The following GPBP1 variants were observed in gnomAD, a reference collection of about 807,000 sequenced individuals.
GPBP1 encodes the protein vasculin.
A neutral mutation model predicts 56.5 loss-of-function variants in GPBP1; 13 were observed. That is an observed-to-expected ratio of 0.23 (90% confidence interval 0.15 to 0.37). The LOEUF (loss-of-function observed/expected upper bound fraction) is 0.37, where lower values mean the gene tolerates loss of function less well. Ranked by LOEUF, GPBP1 falls within the 10% of genes least tolerant of loss-of-function variation. The pLI, the probability that GPBP1 is intolerant of heterozygous loss-of-function variation, is 1.00. For missense variants in GPBP1, 477 were observed against 572.3 expected (o/e 0.83, Z 1.70); for synonymous variants, 204 against 188.9 (o/e 1.08, Z -0.66).
chr5:57,206,021 C>G (rs537140764), intron 2 of GPBP1, among the ~76,000 whole-genome samples: 1 of 152,168 alleles, frequency 6.6e-6, no homozygotes, highest in Admixed American at 6.5e-5. Flanking sequence ...CTGCCTTGGC[C>G]TCCTAGAGTG....
chr5:57,258,632 AT>A (rs1394866001), intron 10 of GPBP1, among the ~76,000 whole-genome samples: 1 of 152,040 alleles, frequency 6.6e-6, no homozygotes, highest in African/African-American at 2.4e-5. Flanking sequence ...GGAAACACAG[AT>A]TGTTTTTATT....
intron 2 of GPBP1, among the ~76,000 whole-genome samples, chr5:57,177,320 T>C (rs1427716317): frequency 1.3e-5 from 2 of 152,154 alleles, no homozygotes; most frequent in African/African-American, 2.4e-5. Flanking sequence ...CGGTGAATCA[T>C]AGGCATTTAA....
intron 2 of GPBP1, among the ~76,000 whole-genome samples, chr5:57,187,177 G>A (rs1223968868): frequency 2.0e-5 from 3 of 152,042 alleles, no homozygotes; most frequent in Non-Finnish European, 4.4e-5. Flanking sequence ...GAGCAACAGG[G>A]AAATTGTTTT....
intron 2 of GPBP1, among the ~76,000 whole-genome samples, chr5:57,182,696 A>G (rs1754110407): frequency 6.8e-6 from 1 of 147,644 alleles, no homozygotes; most frequent in Non-Finnish European, 1.5e-5. Flanking sequence ...TTATTTATTT[A>G]TTTTTGAGAC....
intron 3 of GPBP1, among the ~76,000 whole-genome samples, chr5:57,227,014 C>T (rs903848389): frequency 3.9e-5 from 6 of 151,930 alleles, no homozygotes; most frequent in African/African-American, 1.5e-4. Flanking sequence ...GCTAGGATTA[C>T]AGGCGTGAGC....
chr5:57,243,438 A>G (rs973672866), intron 6 of GPBP1, among the ~76,000 whole-genome samples: 1 of 152,002 alleles, frequency 6.6e-6, no homozygotes, highest in Admixed American at 6.6e-5. Flanking sequence ...CTCTTTCTTC[A>G]GGGACTTTTG....
At chr5:57,193,653 G>A (rs1754627173) in intron 2 of GPBP1, among the ~76,000 whole-genome samples, 1 of 147,590 alleles carries the variant, frequency 6.8e-6, no homozygotes, top group African/African-American at 2.5e-5. Flanking sequence ...AAAGTATTCT[G>A]TCTTTGTTAG....
At chr5:57,238,946 G>A (rs1740675740) in intron 6 of GPBP1, among the ~76,000 whole-genome samples, 1 of 152,140 alleles carries the variant, frequency 6.6e-6, no homozygotes, top group African/African-American at 2.4e-5. Context: ...TCCAATATTT[G>A]CCACAAGCAT....
chr5:57,183,014 T>A (rs1167445692), intron 2 of GPBP1, among the ~76,000 whole-genome samples: 1 of 152,164 alleles, frequency 6.6e-6, no homozygotes, highest in Non-Finnish European at 1.5e-5. Flanking sequence ...TTTCAAATTA[T>A]ATTTTAAAGC....
chr5:57,208,314 A>G (rs953096128), intron 2 of GPBP1, among the ~76,000 whole-genome samples: 1 of 151,644 alleles, frequency 6.6e-6, no homozygotes, highest in East Asian at 1.9e-4. Flanking sequence ...GCTCACTGCA[A>G]CCTCCACTTC....
rs556381138 is a variant in GPBP1 at position 57,202,767 on chromosome 5, C to A, written c.-57-11307C>A. Among the ~76,000 whole-genome samples the A allele has an allele frequency of 2.6e-5, 4 of 152,320 alleles. No homozygotes were observed. In the South Asian group the frequency reaches 8.3e-4, roughly 32 times the overall value. ...TTGTAAGCTGTTAGAGGCAGGAATG[C>A]CCTCTCTTATGCCTTGTATCTTCCG... On this transcript the variant is annotated intron_variant, in intron 2 of 11. Coordinates refer to ENST00000506184, the MANE Select transcript of GPBP1 (RefSeq NM_022913.4).
intron 2 of GPBP1, among the ~76,000 whole-genome samples, chr5:57,212,672 C>CTTTTTTTTT (rs550327781): frequency 7.2e-6 from 1 of 139,746 alleles, no homozygotes; most frequent in Non-Finnish European, 1.6e-5. Flanking sequence ...TTCTTTTTTT[C>CTTTTTTTTT]TTTTTTTTTT....
chr5:57,224,249 T>G (rs182192472), intron 3 of GPBP1, among the ~76,000 whole-genome samples: 2,052 of 150,556 alleles, frequency 0.014, 112 homozygotes, highest in East Asian at 0.098. Flanking sequence ...TGATCCTCTT[T>G]TTTTTTTTTT....
At chr5:57,186,529 T>G (rs915827663) in intron 2 of GPBP1, among the ~76,000 whole-genome samples, 2 of 152,130 alleles carry the variant, frequency 1.3e-5, no homozygotes, top group African/African-American at 4.8e-5. Context: ...GGTCTTTGAT[T>G]CATTTTGAAT....
At chr5:57,195,295 A>G (rs936238885) in intron 2 of GPBP1, among the ~76,000 whole-genome samples, 2 of 152,110 alleles carry the variant, frequency 1.3e-5, no homozygotes, top group Non-Finnish European at 2.9e-5. Context: ...AGCTGGGACT[A>G]GAGGCACATG....
rs1756352884 is a variant in GPBP1, at chr5:57,229,566, T to A, written c.64-1280T>A. On this transcript the variant is annotated intron_variant, in intron 3 of 11. Transcript: ENST00000506184. ...TTTTTTGATGGAGTCTTACTCTGTC[T>A]CGTCCAGGCTCTGGAGTACAGTTGT... Among the ~76,000 whole-genome samples the A allele has an allele frequency of 1.3e-5, 2 of 152,104 alleles. 1 individual carries two copies. Among genetic ancestry groups the A allele is most frequent in the South Asian group, 4.1e-4 (2 of 4,822 alleles).
chr5:57,199,220 AT>A (rs1225689314), intron 2 of GPBP1, among the ~76,000 whole-genome samples: 1 of 152,200 alleles, frequency 6.6e-6, no homozygotes, highest in African/African-American at 2.4e-5. Context: ...AACTAGCGAT[AT>A]TCTTGTTTTG....
At chr5:57,217,225 T>C (rs1312952638) in intron 3 of GPBP1, among the ~76,000 whole-genome samples, 1 of 152,048 alleles carries the variant, frequency 6.6e-6, no homozygotes, top group Non-Finnish European at 1.5e-5. Context: ...AGTTATTTTG[T>C]TAGGGGAGCT....
chr5:57,209,090 ATTGAG>A (rs989900562), intron 2 of GPBP1, among the ~76,000 whole-genome samples: 1 of 152,058 alleles, frequency 6.6e-6, no homozygotes, highest in African/African-American at 2.4e-5. Flanking sequence ...TTTACTGCGA[ATTGAG>A]TTGTTTTCCT....
Sources: gnomAD v4.1 joint callset for allele counts (sites outside exome capture counted in the v4.1 genomes callset) on GRCh38, gnomAD v4.1.1 for gene constraint, MANE v1.5 for transcripts, NCBI Gene and HGNC (gene_info 2026-07-23, HGNC 2026-07-21) for gene names.